Variants in GSR observed in about 807,000 individuals in gnomAD.
GSR encodes glutathione reductase, mitochondrial.
GSR carries 48 observed loss-of-function variants against 56.5 expected under a neutral mutation model. The observed-to-expected ratio is 0.85, with a 90% confidence interval of 0.67 to 1.08. The LOEUF is 1.08. Ranked by LOEUF, GSR falls within the 50% of genes least tolerant of loss-of-function variation. The pLI is 0.00. For missense variants in GSR, 694 were observed against 703.3 expected, an observed-to-expected ratio of 0.99 and a Z score of 0.15; for synonymous variants, 264 against 270.8, an observed-to-expected ratio of 0.97 and a Z score of 0.25.
chr8:30,681,939 G>A lies in GSR; in HGVS notation c.1276C>T (p.Leu426Phe). The A allele has an allele frequency of 1.9e-6, 3 of 1,613,706 alleles. No homozygotes were observed. The highest frequency in any genetic ancestry group is 2.7e-5 in the African/African-American group (2 of 75,058). Residue 426 changes from leucine (L) to phenylalanine (F), a missense_variant, in exon 11 of 13, where the codon CTC becomes TTC. Transcript: ENST00000221130. ...FSHPPIGTVG[L>F]TEDEAIHKYG... Reference sequence around the variant, plus strand: ...GTTTTTAAATACCTACCTTCCGTGAGTCCCACTGTCCCAATAGGGGGGTGG... The same window carrying A: ...GTTTTTAAATACCTACCTTCCGTGAATCCCACTGTCCCAATAGGGGGGTGG...
rs62505347 is a variant in GSR at position 30,689,761 on chromosome 8, T to C, written c.883-442A>G. On this transcript the variant is annotated intron_variant, in intron 8 of 12. Transcript: ENST00000221130. ...GTGTGTGTGTGTATATATATATATA[T>C]ACACACACACATATATATATAAAAT... Among the ~76,000 whole-genome samples, 134 of 84,176 alleles carry C rather than the reference T, an allele frequency of 1.6e-3. 4 individuals carry two copies. The highest frequency in any genetic ancestry group is 2.6e-3 in the East Asian group (7 of 2,672). The allele number at this position is 84,176 out of a possible 152,430, so 55.2% of individuals were successfully genotyped here. A position where few individuals can be genotyped will look rare whatever the true frequency, so the allele number is the denominator to read the frequency against.
At chr8:30,720,204 C>A (rs1346707551) in intron 1 of GSR, among the ~76,000 whole-genome samples, 1 of 151,972 alleles carries the variant, frequency 6.6e-6, no homozygotes, top group Non-Finnish European at 1.5e-5. Context: ...CAGAGCAAGA[C>A]CCTGTCTCAA....
intron 1 of GSR, among the ~76,000 whole-genome samples, chr8:30,724,349 C>T (rs1328473760): frequency 1.3e-5 from 2 of 152,140 alleles, no homozygotes; most frequent in African/African-American, 4.8e-5. Context: ...CCCCTGCCCC[C>T]ATAGTTCACT....
intron 1 of GSR, among the ~76,000 whole-genome samples, chr8:30,721,372 C>T (rs892130159): frequency 5.3e-5 from 8 of 152,130 alleles, no homozygotes; most frequent in Admixed American, 2.6e-4. Context: ...CAAAGTGGTC[C>T]GGGCATGGTG....
Position 30,727,706 on chromosome 8 carries a change from T to C in GSR, c.130A>G (p.Met44Val), listed in dbSNP as rs1804792038. 7.0e-7 allele frequency: 1 copy of C among 1,431,404 alleles called. No homozygotes were observed. The highest frequency in any genetic ancestry group is 9.1e-7 in the Non-Finnish European group (1 of 1,100,878). 88.7% of individuals were successfully genotyped at this position (1,431,404 alleles called of 1,614,324 possible). Reference protein sequence around the residue: ...AALTRALSRAMACRQEPQPQG... With the variant: ...AALTRALSRAVACRQEPQPQG... The stretch of plus-strand genomic sequence containing the variant: ...GGCTGCGGCTCCTGCCTGCAGGCCA[T>C]GGCACGGGAGAGGGCGCGCGTGAGG... Residue 44 changes from methionine to valine, a missense_variant, in exon 1 of 13, where the codon ATG becomes GTG. Met to Val is a conservative substitution (Grantham distance 21). Coordinates refer to ENST00000221130, the MANE Select transcript of GSR (RefSeq NM_000637.5).
intron 3 of GSR, 79 bp downstream of exon 3, chr8:30,709,735 C>G: frequency 2.5e-6 from 2 of 802,060 alleles, no homozygotes; most frequent in Admixed American, 3.7e-5. Flanking sequence ...CTCCTCCATC[C>G]CTAAAAAAGT....
chr8:30,688,328 G>A (rs776154205), intron 9 of GSR, among the ~76,000 whole-genome samples: 4 of 152,062 alleles, frequency 2.6e-5, no homozygotes, highest in Non-Finnish European at 5.9e-5. Context: ...TTTATAATCC[G>A]AGCACTTTGG....
intron 1 of GSR, among the ~76,000 whole-genome samples, chr8:30,719,170 G>A (rs1391521061): frequency 7.3e-6 from 1 of 136,464 alleles, no homozygotes; most frequent in South Asian, 2.4e-4. Flanking sequence ...GCAGTGGTGC[G>A]ATCTCGGCTC....
At chr8:30,691,350 G>C (rs1803371625) in intron 8 of GSR, among the ~76,000 whole-genome samples, 1 of 148,600 alleles carries the variant, frequency 6.7e-6, no homozygotes, top group African/African-American at 2.5e-5. Context: ...GCAAGACCCT[G>C]TCTCAAAAAC....
chr8:30,715,459 T>C (rs951965812), intron 1 of GSR, among the ~76,000 whole-genome samples: 1 of 152,156 alleles, frequency 6.6e-6, no homozygotes, highest in African/African-American at 2.4e-5. Context: ...AGGGGTTTCC[T>C]AATGGTAAGA....
intron 9 of GSR, among the ~76,000 whole-genome samples, chr8:30,684,423 G>C (rs1440169369): frequency 1.3e-5 from 2 of 152,138 alleles, no homozygotes; most frequent in Non-Finnish European, 2.9e-5. Context: ...AAGCCGAAGA[G>C]GGAGGATCCC....
At position 30,711,594 on chromosome 8, in the gene GSR, G is replaced by A. The variant is rs8190935; in HGVS notation, c.333+468C>T. 4.7e-3 allele frequency among the ~76,000 whole-genome samples: 714 copies of A among 152,282 alleles called. 6 individuals carry two copies. The highest frequency in any genetic ancestry group is 0.016 in the African/African-American group (669 of 41,558). On this transcript the variant is annotated intron_variant, in intron 2 of 12. Coordinates refer to ENST00000221130, the MANE Select transcript of GSR (RefSeq NM_000637.5). ...TGCCTATAATCCCAGCATTTTGGGA[G>A]GCTGAGGTGGGCAGATCACCTGAGG...
intron 9 of GSR, among the ~76,000 whole-genome samples, chr8:30,688,218 T>C (rs1044040223): frequency 2.6e-5 from 4 of 152,152 alleles, no homozygotes; most frequent in African/African-American, 4.8e-5. Flanking sequence ...AGCATAGGAC[T>C]TGAAAGAGAC....
chr8:30,683,106 G>A (rs1050136192), intron 10 of GSR, among the ~76,000 whole-genome samples: 3 of 152,204 alleles, frequency 2.0e-5, no homozygotes, highest in Non-Finnish European at 4.4e-5. Context: ...GATTACAGGC[G>A]TGAGCCACCG....
intron 6 of GSR, 111 bp from the exon 7 acceptor site, chr8:30,696,590 T>G: frequency 1.3e-6 from 1 of 755,074 alleles, no homozygotes; most frequent in Non-Finnish European, 2.4e-6. Flanking sequence ...TTATACCCCT[T>G]GATCAGTTTT....
rs200341599 is a variant in GSR, at chr8:30,681,926, C to T, written c.1285+4G>A. ...CAAATGACCTTCAGTTTTTAAATACCTACCTTCCGTGAGTCCCACTGTCCC... is the reference window on the plus strand; with the variant it reads ...CAAATGACCTTCAGTTTTTAAATACTTACCTTCCGTGAGTCCCACTGTCCC... On this transcript the variant is annotated splice_donor_region_variant and intron_variant, in intron 11 of 12. Coordinates refer to ENST00000221130, the MANE Select transcript of GSR (RefSeq NM_000637.5). The T allele has an allele frequency of 1.9e-6, 3 of 1,613,520 alleles. No individual in the cohort carries two copies. In the Admixed American group the frequency reaches 5.0e-5, roughly 27 times the overall value.
chr8:30,714,273 GC>G (rs1804253168), intron 1 of GSR, among the ~76,000 whole-genome samples: 1 of 122,250 alleles, frequency 8.2e-6, no homozygotes, highest in African/African-American at 3.1e-5. Context: ...GTGCCATGGT[GC>G]AATCTCAGCT....
chr8:30,714,504 C>T (rs552641542), intron 1 of GSR, among the ~76,000 whole-genome samples: 2 of 150,488 alleles, frequency 1.3e-5, no homozygotes, highest in East Asian at 3.9e-4. Flanking sequence ...CCTGGATATA[C>T]TTTTTAAAAA....
intron 12 of GSR, among the ~76,000 whole-genome samples, chr8:30,680,387 T>G (rs1199002366): frequency 2.8e-5 from 4 of 142,934 alleles, no homozygotes; most frequent in Non-Finnish European, 4.6e-5. Context: ...TCCTGTTTTT[T>G]TTTTTTTTTT....
Sources: allele counts gnomAD v4.1 joint callset (sites outside exome capture counted in the v4.1 genomes callset), GRCh38; gene constraint gnomAD v4.1.1; transcripts MANE v1.5; gene names NCBI Gene and HGNC (gene_info 2026-07-23, HGNC 2026-07-21).